The following CELF4 variants were observed in gnomAD, a reference collection of about 807,000 sequenced individuals.
CELF4 encodes CUGBP Elav-like family member 4.
In CELF4, 18 loss-of-function variants were observed where a neutral mutation model predicts 59.9. The observed-to-expected ratio is 0.30, with a 90% CI of 0.21 to 0.45. The LOEUF (loss-of-function observed/expected upper bound fraction) is 0.45. Ranked by LOEUF, CELF4 falls within the 20% of genes least tolerant of loss-of-function variation. The probability of loss-of-function intolerance (pLI) is 1.00; values close to 1 mark genes in which losing one functional copy is unlikely to be tolerated. For missense variants in CELF4, 456 were observed against 689.0 expected (o/e 0.66, Z 3.79); for synonymous variants, 261 against 267.1 (o/e 0.98, Z 0.22).
intron 12 of CELF4, among the ~76,000 whole-genome samples, chr18:37,249,347 T>C (rs1015551256): frequency 3.3e-5 from 5 of 152,220 alleles, no homozygotes; most frequent in African/African-American, 1.2e-4. Context: ...GACTCTCCTC[T>C]TTCTCCCTCC....
At chr18:37,265,360 T>C (rs1231900209) in intron 9 of CELF4, among the ~76,000 whole-genome samples, 1 of 152,110 alleles carries the variant, frequency 6.6e-6, no homozygotes, top group Admixed American at 6.5e-5. Context: ...CATGTGTGCA[T>C]AACACAGAAT....
intron 2 of CELF4, among the ~76,000 whole-genome samples, chr18:37,341,347 A>G (rs2098023437): frequency 6.6e-6 from 1 of 152,196 alleles, no homozygotes; most frequent in Non-Finnish European, 1.5e-5. Flanking sequence ...TGCTGCTGAC[A>G]GTGGGAGTGG....
chr18:37,291,930 C>T lies in CELF4; in HGVS notation c.449-16687G>A, dbSNP rs369943931. ...TGTGTGTGCCCTCCCAAAATTCACACGCTGAAATTCTAAACCCCAAGGTGA... is the reference window on the plus strand; with the variant it reads ...TGTGTGTGCCCTCCCAAAATTCACATGCTGAAATTCTAAACCCCAAGGTGA... On this transcript the variant is annotated intron_variant, in intron 3 of 12. Transcript: ENST00000420428. Among the ~76,000 whole-genome samples, 91 of 152,212 alleles carry T rather than the reference C, an allele frequency of 6.0e-4. 2 individuals carry two copies. In the South Asian group the frequency reaches 0.018, roughly 31 times the overall value.
chr18:37,253,404 C>A lies in CELF4; in HGVS notation c.*44+363G>T, dbSNP rs1468327101. 6.6e-6 allele frequency among the ~76,000 whole-genome samples: 1 copy of A among 152,124 alleles called. No homozygotes were observed. The highest frequency in any genetic ancestry group is 2.4e-5 in the African/African-American group (1 of 41,436). On this transcript the variant is annotated intron_variant, in intron 12 of 12. Transcript: ENST00000420428. This position sits in a 1 kb window ranked among gnomAD's most constrained non-coding sequence, Gnocchi z 4.5. The stretch of plus-strand genomic sequence containing the variant: ...GCGGCTGCAGCTCTTCTGGGTAGAG[C>A]CTGTTCTGCCCCCAACCTCCCTCAG...
chr18:37,325,777 C>T (rs757260701), intron 2 of CELF4, among the ~76,000 whole-genome samples: 6 of 152,212 alleles, frequency 3.9e-5, no homozygotes, highest in Non-Finnish European at 7.3e-5. Flanking sequence ...TAAAGGAGAA[C>T]GGAATTGGTT....
intron 1 of CELF4, among the ~76,000 whole-genome samples, chr18:37,518,157 C>T (rs1452081131): frequency 6.6e-6 from 1 of 152,130 alleles, no homozygotes; most frequent in Non-Finnish European, 1.5e-5. Context: ...ATGCTGTGGC[C>T]CCCAGGGGAC....
At chr18:37,368,164 C>T (rs1603629407) in intron 2 of CELF4, among the ~76,000 whole-genome samples, 1 of 152,256 alleles carries the variant, frequency 6.6e-6, no homozygotes, top group Non-Finnish European at 1.5e-5. Flanking sequence ...GGCATTCATT[C>T]AAGTATTCAT....
rs544869790 is a variant in CELF4, at chr18:37,366,478, C to T, written c.370-44597G>A. Among the ~76,000 whole-genome samples, 6 of 152,274 alleles carry T rather than the reference C, an allele frequency of 3.9e-5. No homozygotes were observed. In the East Asian group the frequency reaches 7.7e-4, roughly 20 times the overall value. ...GAGGCTGAGAGGTGGGTGGCTCATCCGGTCAGGGGAGGTGCAGGGGCTGCA... is the reference window on the plus strand; with the variant it reads ...GAGGCTGAGAGGTGGGTGGCTCATCTGGTCAGGGGAGGTGCAGGGGCTGCA... On this transcript the variant is annotated intron_variant, in intron 2 of 12. Coordinates refer to ENST00000420428, the MANE Select transcript of CELF4 (RefSeq NM_020180.4).
intron 3 of CELF4, among the ~76,000 whole-genome samples, chr18:37,278,579 A>T (rs1478253410): frequency 1.3e-5 from 2 of 152,164 alleles, no homozygotes; most frequent in Non-Finnish European, 2.9e-5. Context: ...TGCTCTTGTC[A>T]TGGTGGTGGC....
At chr18:37,348,832 T>C (rs1460499058) in intron 2 of CELF4, among the ~76,000 whole-genome samples, 2 of 152,242 alleles carry the variant, frequency 1.3e-5, no homozygotes, top group South Asian at 4.2e-4. Flanking sequence ...CATCCTCTGC[T>C]TCTAGGAGAG....
chr18:37,508,535 A>T (rs1325256404), intron 1 of CELF4, among the ~76,000 whole-genome samples: 1 of 152,118 alleles, frequency 6.6e-6, no homozygotes, highest in Non-Finnish European at 1.5e-5. Context: ...CACCCCCCTC[A>T]CCTCCTGCTG....
At chr18:37,503,038 AT>A (rs2099933621) in intron 1 of CELF4, among the ~76,000 whole-genome samples, 1 of 152,176 alleles carries the variant, frequency 6.6e-6, no homozygotes, top group South Asian at 2.1e-4. Flanking sequence ...AGCAGATGAC[AT>A]TTCCACCACG....
chr18:37,344,395 C>T (rs542716118), intron 2 of CELF4, among the ~76,000 whole-genome samples: 23 of 152,342 alleles, frequency 1.5e-4, no homozygotes, highest in African/African-American at 4.3e-4. Flanking sequence ...TGGGGTGCCA[C>T]GGGGCAGAGA....
At chr18:37,302,899 C>G (rs1569550254) in intron 3 of CELF4, among the ~76,000 whole-genome samples, 1 of 152,096 alleles carries the variant, frequency 6.6e-6, no homozygotes, top group African/African-American at 2.4e-5. Context: ...GCCAGGAGCA[C>G]AGGCTGTCTG....
intron 8 of CELF4, among the ~76,000 whole-genome samples, chr18:37,268,779 G>A (rs1458149571): frequency 6.6e-6 from 1 of 152,218 alleles, no homozygotes; most frequent in Middle Eastern, 3.2e-3. Context: ...ATTAGTAACT[G>A]CCAAAGAGTG....
intron 2 of CELF4, among the ~76,000 whole-genome samples, chr18:37,480,380 G>A (rs1430536115): frequency 6.6e-6 from 1 of 152,162 alleles, no homozygotes; most frequent in Non-Finnish European, 1.5e-5. Context: ...TGATTGCACC[G>A]ATCACTAGAA....
At chr18:37,527,015 G>A (rs980031606) in intron 1 of CELF4, among the ~76,000 whole-genome samples, 6 of 152,082 alleles carry the variant, frequency 3.9e-5, no homozygotes, top group East Asian at 1.9e-4. Context: ...GTAACAAACC[G>A]TGGCTAATGC....
At chr18:37,521,942 G>C (rs2099957914) in intron 1 of CELF4, among the ~76,000 whole-genome samples, 1 of 152,204 alleles carries the variant, frequency 6.6e-6, no homozygotes, top group Admixed American at 6.5e-5. Flanking sequence ...TTTGCTGTCT[G>C]CTCCACCTCC....
intron 3 of CELF4, chr18:37,305,533 C>T (rs1367297050): frequency 1.3e-5 from 2 of 152,444 alleles, no homozygotes; most frequent in African/African-American, 4.8e-5. Context: ...TCTGCTATCC[C>T]CTCCAGTTGA....
Sources: gnomAD v4.1 joint callset for allele counts (sites outside exome capture counted in the v4.1 genomes callset) on GRCh38, gnomAD v4.1.1 for gene constraint, Gnocchi (gnomAD v3.1) non-coding constraint, MANE v1.5 for transcripts, NCBI Gene and HGNC (gene_info 2026-07-23, HGNC 2026-07-21) for gene names.